Variants in PPARA observed in about 807,000 individuals in gnomAD.
PPARA encodes peroxisome proliferator activated receptor alpha, also known as peroxisome proliferator-activated receptor alpha.
PPARA carries 22 observed loss-of-function variants against 42.2 expected under a neutral mutation model. That is an observed-to-expected ratio of 0.52 (90% CI 0.37 to 0.74). The LOEUF is 0.74. PPARA is among the 30% of genes least tolerant of loss of function. The pLI is 0.00. For synonymous variants in PPARA, 242 were observed against 239.3 expected (o/e 1.01, Z -0.10); for missense variants, 465 against 608.2 (o/e 0.76, Z 2.48).
At position 46,196,693 on chromosome 22, in the gene PPARA, C is replaced by T. The variant is rs1262780203; in HGVS notation, c.-42-1649C>T. Among the ~76,000 whole-genome samples, 1 of 152,194 alleles carries T rather than the reference C, an allele frequency of 6.6e-6. No homozygotes were observed. Among genetic ancestry groups the T allele is most frequent in the Non-Finnish European group, 1.5e-5 (1 of 68,036 alleles). ...TGTGTCCCAGTTACAAGGGAGGCTC[C>T]CTGAGAGCAGGGATCTGATTTTTGT... is the stretch of plus-strand genomic sequence containing the variant. On this transcript the variant is annotated intron_variant, in intron 3 of 8. Transcript: ENST00000407236. This position sits in a 1 kb window ranked among gnomAD's most constrained non-coding sequence, Gnocchi z 5.6.
rs960006542 is a variant in PPARA, at chr22:46,187,602, T to A, written c.-42-10740T>A. ...GGATTCCTTCTTGCCATCAAGACAA[T>A]CCTGATACAAATCTGATCACGTCAC... On this transcript the variant is annotated intron_variant, in intron 3 of 8. Coordinates refer to ENST00000407236, the MANE Select transcript of PPARA (RefSeq NM_005036.6). The surrounding 1 kb of genome is among the most constrained non-coding windows in gnomAD (Gnocchi z 4.9). Among the ~76,000 whole-genome samples the A allele has an allele frequency of 1.3e-5, 2 of 152,220 alleles. No individual in the cohort carries two copies. The highest frequency in any genetic ancestry group is 4.8e-5 in the African/African-American group (2 of 41,452).
At position 46,183,773 on chromosome 22, in the gene PPARA, A is replaced by C. The variant is rs931047381; in HGVS notation, c.-43+6937A>C. Among the ~76,000 whole-genome samples, 10 of 152,102 alleles carry C rather than the reference A, an allele frequency of 6.6e-5. No individual in the cohort carries two copies. The highest frequency in any genetic ancestry group is 1.3e-4 in the Non-Finnish European group (9 of 68,004). Reference sequence around the variant, plus strand: ...AAACAAAACAAAACAAAAAAAGCTAAATTATCAAATGTCTAGATCGTTGAT... The same window carrying C: ...AAACAAAACAAAACAAAAAAAGCTACATTATCAAATGTCTAGATCGTTGAT... On this transcript the variant is annotated intron_variant, in intron 3 of 8. Coordinates refer to ENST00000407236, the MANE Select transcript of PPARA (RefSeq NM_005036.6). This position sits in a 1 kb window ranked among gnomAD's most constrained non-coding sequence, Gnocchi z 5.5.
At position 46,188,329 on chromosome 22, in the gene PPARA, A is replaced by G. The variant is rs1290159032; in HGVS notation, c.-42-10013A>G. ...TATTCAATGATGTTTTGGGCCATAT[A>G]TGCAGATATGCTGTTCCCTTTTCCT... On this transcript the variant is annotated intron_variant, in intron 3 of 8. Coordinates refer to ENST00000407236, the MANE Select transcript of PPARA (RefSeq NM_005036.6). This position sits in a 1 kb window ranked among gnomAD's most constrained non-coding sequence, Gnocchi z 5.0. Among the ~76,000 whole-genome samples the G allele has an allele frequency of 6.6e-6, 1 of 152,222 alleles. No homozygotes were observed. Among genetic ancestry groups the G allele is most frequent in the Non-Finnish European group, 1.5e-5 (1 of 68,034 alleles).
intron 3 of PPARA, among the ~76,000 whole-genome samples, chr22:46,181,915 A>C (rs949978530): frequency 1.3e-5 from 2 of 152,168 alleles, no homozygotes; most frequent in Admixed American, 6.5e-5. Flanking sequence ...ATTAGGAAAG[A>C]CCTGTTCTAC....
rs1325129629 is a variant in PPARA, at chr22:46,230,521, G to T, written c.712-1271G>T. On this transcript the variant is annotated intron_variant, in intron 7 of 8. Transcript: ENST00000407236. This position sits in a 1 kb window ranked among gnomAD's most constrained non-coding sequence, Gnocchi z 5.0. ...TAAATTTCAGCCAACAGCAGTGTTT[G>T]TGCTCATTTTCCCCGGCTCTCCCAC... 6.6e-6 allele frequency among the ~76,000 whole-genome samples: 1 copy of T among 152,236 alleles called. No homozygotes were observed. The highest frequency in any genetic ancestry group is 1.5e-5 in the Non-Finnish European group (1 of 68,042).
Position 46,203,396 on chromosome 22 carries a change from CT to C in PPARA, c.208+4810del. 6.6e-6 allele frequency among the ~76,000 whole-genome samples: 1 copy of C among 152,300 alleles called. No homozygotes were observed. Among genetic ancestry groups the C allele is most frequent in the South Asian group, 2.1e-4 (1 of 4,830 alleles). ...CGGCCAAAGTACCATTTTATCTCTG[CT>C]TTTTCTTCCCGGCTTTATTGCCATA... On this transcript the variant is annotated intron_variant, in intron 4 of 8. Coordinates refer to ENST00000407236, the MANE Select transcript of PPARA (RefSeq NM_005036.6). The surrounding 1 kb of genome is among the most constrained non-coding windows in gnomAD (Gnocchi z 5.8).
chr22:46,214,960 C>T (rs548684999), intron 4 of PPARA, among the ~76,000 whole-genome samples: 141 of 152,146 alleles, frequency 9.3e-4, no homozygotes, highest in Middle Eastern at 3.4e-3. Context: ...GCAGTGAGAG[C>T]GAGCATGCTG....
intron 2 of PPARA, among the ~76,000 whole-genome samples, chr22:46,168,351 CA>C (rs35345592): frequency 0.038 from 541 of 14,338 alleles, no homozygotes; most frequent in Admixed American, 0.049. Flanking sequence ...GACTCCATCT[CA>C]AAAAAAAAAA....
intron 3 of PPARA, among the ~76,000 whole-genome samples, chr22:46,189,374 A>C (rs1931234496): frequency 6.6e-6 from 1 of 152,212 alleles, no homozygotes; most frequent in Admixed American, 6.5e-5. Context: ...TTTGAAGATA[A>C]AGGTAGGTGG....
intron 2 of PPARA, among the ~76,000 whole-genome samples, chr22:46,159,071 A>G (rs1925752031): frequency 6.6e-6 from 1 of 151,962 alleles, no homozygotes; most frequent in Non-Finnish European, 1.5e-5. Context: ...TGTATTTTTT[A>G]GTGGAGACGG....
Position 46,198,556 on chromosome 22 carries a change from G to A in PPARA, c.173G>A (p.Gly58Glu), listed in dbSNP as rs1433252320. The A allele has an allele frequency of 1.2e-5, 20 of 1,613,890 alleles. No individual in the cohort carries two copies. Among genetic ancestry groups the A allele is most frequent in the Non-Finnish European group, 1.6e-5 (19 of 1,179,986 alleles). The change falls in exon 4 of 9, where the codon GGA (glycine) becomes GAA (glutamate). Residue 58 changes from glycine (G) to glutamate (E), a missense_variant. Transcript: ENST00000407236. ...GGCTTTACGGAATACCAGTATTTAGGAAGCTGTCCTGGCTCAGATGGCTCG... is the reference window on the plus strand; with the variant it reads ...GGCTTTACGGAATACCAGTATTTAGAAAGCTGTCCTGGCTCAGATGGCTCG... ...SFGFTEYQYLGSCPGSDGSVI... is the reference protein window; with the variant it reads ...SFGFTEYQYLESCPGSDGSVI...
rs528171157 is a variant in PPARA at position 46,172,832 on chromosome 22, G to C, written c.-126-3921G>C. Among the ~76,000 whole-genome samples, 5 of 152,218 alleles carry C rather than the reference G, an allele frequency of 3.3e-5. No individual in the cohort carries two copies. In the East Asian group the frequency reaches 9.7e-4, roughly 29 times the overall value. On this transcript the variant is annotated intron_variant, in intron 2 of 8. Coordinates refer to ENST00000407236, the MANE Select transcript of PPARA (RefSeq NM_005036.6). ...GTTGAGTAGGAAGCCTCGTTGCTTT[G>C]ACAGGTTACTTGGCCCCATGAGGGA...
rs892114131 is a variant in PPARA, at chr22:46,225,271, C to T, written c.711+5257C>T. 6.6e-6 allele frequency among the ~76,000 whole-genome samples: 1 copy of T among 152,132 alleles called. No homozygotes were observed. Among genetic ancestry groups the T allele is most frequent in the Non-Finnish European group, 1.5e-5 (1 of 68,018 alleles). On this transcript the variant is annotated intron_variant, in intron 7 of 8. Transcript: ENST00000407236. This position sits in a 1 kb window ranked among gnomAD's most constrained non-coding sequence, Gnocchi z 4.1. ...GGCCCTTGGTGATGGGGAAGGGCGC[C>T]TCTGGGGAACTCACTGCCCCTTGAT...
At chr22:46,217,116 C>T (rs1298617134) in intron 5 of PPARA, among the ~76,000 whole-genome samples, 1 of 152,120 alleles carries the variant, frequency 6.6e-6, no homozygotes, top group Non-Finnish European at 1.5e-5. Flanking sequence ...GTCTAGAAGC[C>T]TGTCTCCCCA....
chr22:46,215,538 T>G (rs4253737), intron 5 of PPARA, among the ~76,000 whole-genome samples: 43,280 of 151,784 alleles, frequency 0.29, 6,264 homozygotes, highest in African/African-American at 0.34. Context: ...AGGAGTTCGA[T>G]ACCAGCCTGG....
At chr22:46,158,011 G>A (rs1925582664) in intron 2 of PPARA, among the ~76,000 whole-genome samples, 1 of 152,178 alleles carries the variant, frequency 6.6e-6, no homozygotes, top group African/African-American at 2.4e-5. Context: ...AGGACTAATG[G>A]CTTCCAAGAT....
chr22:46,201,362 A>G (rs1192247640), intron 4 of PPARA, among the ~76,000 whole-genome samples: 2 of 151,984 alleles, frequency 1.3e-5, no homozygotes, highest in African/African-American at 2.4e-5. Flanking sequence ...TTTGGGAGTG[A>G]CCCTGACAGA....
rs2336904 is a variant in PPARA, at chr22:46,225,846, C to T, written c.711+5832C>T. Among the ~76,000 whole-genome samples the T allele has an allele frequency of 0.04, 6,109 of 151,776 alleles. 184 individuals are homozygous for T. Among genetic ancestry groups the T allele is most frequent in the Non-Finnish European group, 0.063 (4,295 of 67,948 alleles). ...ACAGACGCACCTCCACCCCCACACA[C>T]GCACACACACACATGCACCCACACA... On this transcript the variant is annotated intron_variant, in intron 7 of 8. Coordinates refer to ENST00000407236, the MANE Select transcript of PPARA (RefSeq NM_005036.6). This position sits in a 1 kb window ranked among gnomAD's most constrained non-coding sequence, Gnocchi z 4.1.
rs928461229 is a variant in PPARA at position 46,227,818 on chromosome 22, T to C, written c.712-3974T>C. ...ATATATTCATAGTCAAGCTTGAGTATAAAAGGCATATTCCAAAGTTAAATA... is the reference window on the plus strand; with the variant it reads ...ATATATTCATAGTCAAGCTTGAGTACAAAAGGCATATTCCAAAGTTAAATA... On this transcript the variant is annotated intron_variant, in intron 7 of 8. Coordinates refer to ENST00000407236, the MANE Select transcript of PPARA (RefSeq NM_005036.6). This position sits in a 1 kb window ranked among gnomAD's most constrained non-coding sequence, Gnocchi z 4.3. Among the ~76,000 whole-genome samples the C allele has an allele frequency of 6.6e-6, 1 of 152,232 alleles. No individual in the cohort carries two copies. Among genetic ancestry groups the C allele is most frequent in the Non-Finnish European group, 1.5e-5 (1 of 68,048 alleles).
Sources: allele counts gnomAD v4.1 joint callset (sites outside exome capture counted in the v4.1 genomes callset), GRCh38; gene constraint gnomAD v4.1.1; non-coding constraint Gnocchi (gnomAD v3.1); transcripts MANE v1.5; gene names NCBI Gene and HGNC (gene_info 2026-07-23, HGNC 2026-07-21).